Variants in XIRP2 observed in about 807,000 individuals in gnomAD.
XIRP2 encodes xin actin binding repeat containing 2.
In XIRP2, 236 loss-of-function variants were observed where a neutral mutation model predicts 277.0. That is an observed-to-expected ratio of 0.85 (90% confidence interval 0.77 to 0.95). XIRP2 has a LOEUF of 0.95. Among genes scored for constraint, XIRP2 ranks in the 40% least tolerant of loss-of-function variants. XIRP2 has a pLI of 0.00. For synonymous variants in XIRP2, 1,490 were observed against 1,416.5 expected, an observed-to-expected ratio of 1.05 and a Z score of -1.17; for missense variants, 4,640 against 4,157.5, an observed-to-expected ratio of 1.12 and a Z score of -3.19.
chr2:166,957,042 A>T (rs1015835934), intron 2 of XIRP2, among the ~76,000 whole-genome samples: 2 of 151,854 alleles, frequency 1.3e-5, no homozygotes, highest in Admixed American at 1.3e-4. Flanking sequence ...CACCCTCTTT[A>T]AAACCATTGT....
intron 3 of XIRP2, among the ~76,000 whole-genome samples, chr2:167,208,498 C>T (rs963849254): frequency 3.9e-5 from 6 of 152,158 alleles, no homozygotes; most frequent in African/African-American, 9.6e-5. Context: ...TTAGTAGAGA[C>T]GGGGTTTCAC....
intron 2 of XIRP2, among the ~76,000 whole-genome samples, chr2:167,081,074 A>C (rs1037381100): frequency 1.3e-5 from 2 of 152,124 alleles, no homozygotes; most frequent in African/African-American, 2.4e-5. Flanking sequence ...GTAATATTTA[A>C]ATTTCTAAAT....
At chr2:167,168,437 T>C (rs958315497) in intron 3 of XIRP2, among the ~76,000 whole-genome samples, 1 of 152,180 alleles carries the variant, frequency 6.6e-6, no homozygotes, top group African/African-American at 2.4e-5. Flanking sequence ...TGATTTTGTT[T>C]TGTTTTGTTT....
At chr2:167,047,378 A>C (rs995801327) in intron 2 of XIRP2, among the ~76,000 whole-genome samples, 2 of 151,908 alleles carry the variant, frequency 1.3e-5, no homozygotes, top group African/African-American at 4.8e-5. Flanking sequence ...CCGAGATAAC[A>C]TTACACAAGA....
At chr2:167,217,386 G>A (rs528000234) in intron 4 of XIRP2, among the ~76,000 whole-genome samples, 22 of 152,070 alleles carry the variant, frequency 1.4e-4, no homozygotes, top group African/African-American at 5.1e-4. Flanking sequence ...ACATGCCTGT[G>A]CTCAGAGCTG....
At chr2:167,179,414 G>A (rs771295666) in intron 3 of XIRP2, among the ~76,000 whole-genome samples, 35 of 148,600 alleles carry the variant, frequency 2.4e-4, no homozygotes, top group East Asian at 2.2e-3. Flanking sequence ...TCCACCTCCC[G>A]GGTTCAAGCG....
intron 2 of XIRP2, among the ~76,000 whole-genome samples, chr2:166,984,165 C>G (rs1299927274): frequency 6.6e-6 from 1 of 152,186 alleles, no homozygotes; most frequent in Admixed American, 6.5e-5. Flanking sequence ...CACTAGAAGA[C>G]TGCAAGAGGA....
At chr2:167,255,268 T>C (rs560083601) in intron 10 of XIRP2, among the ~76,000 whole-genome samples, 90 of 152,050 alleles carry the variant, frequency 5.9e-4, no homozygotes, top group African/African-American at 2.1e-3. Flanking sequence ...CAGATGCTTA[T>C]ATCTCAATGA....
chr2:167,020,010 A>C (rs1043350225), intron 2 of XIRP2, among the ~76,000 whole-genome samples: 2 of 152,088 alleles, frequency 1.3e-5, no homozygotes, highest in African/African-American at 4.8e-5. Context: ...ATTCGCTTTT[A>C]GGAGATGGAT....
intron 2 of XIRP2, among the ~76,000 whole-genome samples, chr2:167,100,123 C>T (rs1402716052): frequency 2.0e-5 from 3 of 151,250 alleles, no homozygotes; most frequent in South Asian, 4.2e-4. Context: ...GTTTATCTTA[C>T]ATCCCAAACC....
At chr2:167,173,337 A>T (rs989632313) in intron 3 of XIRP2, among the ~76,000 whole-genome samples, 1 of 152,096 alleles carries the variant, frequency 6.6e-6, no homozygotes, top group East Asian at 1.9e-4. Context: ...CATGACTTCA[A>T]TGCTTTGGTT....
chr2:167,257,998 A>T lies in XIRP2; in HGVS notation c.*181A>T. 6.2e-7 allele frequency: 1 copy of T among 1,613,250 alleles called. No homozygotes were observed. The highest frequency in any genetic ancestry group is 8.5e-7 in the Non-Finnish European group (1 of 1,179,484). On this transcript the variant is annotated 3_prime_UTR_variant, in exon 11 of 11. Transcript: ENST00000409195. ...GATGGAACTGCAAAAACCAAAGCAGATCAGTGGACTTTATTCCTAATGAAG... is the reference window on the plus strand; with the variant it reads ...GATGGAACTGCAAAAACCAAAGCAGTTCAGTGGACTTTATTCCTAATGAAG...
At chr2:167,036,179 T>G (rs968229612) in intron 2 of XIRP2, among the ~76,000 whole-genome samples, 1 of 152,220 alleles carries the variant, frequency 6.6e-6, no homozygotes, top group African/African-American at 2.4e-5. Flanking sequence ...GAGTCCCTAC[T>G]GAGGCACTGC....
intron 3 of XIRP2, among the ~76,000 whole-genome samples, chr2:167,179,871 C>T (rs1209471544): frequency 1.3e-5 from 2 of 152,106 alleles, no homozygotes; most frequent in African/African-American, 2.4e-5. Flanking sequence ...TCTTCTCAAA[C>T]TCCTGGGCTC....
In XIRP2 at chr2:167,258,049, A is replaced by G; in HGVS notation, c.*232A>G. On this transcript the variant is annotated 3_prime_UTR_variant, in exon 11 of 11. Transcript: ENST00000409195. The stretch of plus-strand genomic sequence containing the variant: ...AACCAAATATGTGTAAAAATATTGC[A>G]GAAAACACCCTTGTACCTGGAGATC... The G allele has an allele frequency of 6.2e-7, 1 of 1,613,060 alleles. No individual in the cohort carries two copies. The highest frequency in any genetic ancestry group is 8.5e-7 in the Non-Finnish European group (1 of 1,179,502).
chr2:166,962,282 C>T (rs1439210363), intron 2 of XIRP2, among the ~76,000 whole-genome samples: 1 of 151,618 alleles, frequency 6.6e-6, no homozygotes, highest in African/African-American at 2.4e-5. Context: ...GACTAATGTT[C>T]TGAGTATGCA....
chr2:167,240,014 G>A (rs866225869), intron 6 of XIRP2, 49 bp downstream of exon 6: 2 of 1,478,746 alleles, frequency 1.4e-6, no homozygotes, highest in Non-Finnish European at 1.8e-6. Context: ...AGGACTGTAT[G>A]GAAATTATGA....
At chr2:166,961,712 G>C (rs1473960721) in intron 2 of XIRP2, among the ~76,000 whole-genome samples, 1 of 151,688 alleles carries the variant, frequency 6.6e-6, no homozygotes, top group Non-Finnish European at 1.5e-5. Context: ...AGATTGACCA[G>C]ATTTTTAATC....
chr2:166,923,225 A>G (rs1322265773), intron 2 of XIRP2, among the ~76,000 whole-genome samples: 2 of 152,124 alleles, frequency 1.3e-5, no homozygotes, highest in Non-Finnish European at 2.9e-5. Flanking sequence ...AAGTAACTGT[A>G]AAGTTACAAT....
Sources: allele counts gnomAD v4.1 joint callset (sites outside exome capture counted in the v4.1 genomes callset), GRCh38; gene constraint gnomAD v4.1.1; transcripts MANE v1.5; gene names NCBI Gene and HGNC (gene_info 2026-07-23, HGNC 2026-07-21).